Variants in C1orf141 observed in about 807,000 individuals in gnomAD.
C1orf141 encodes the protein uncharacterized protein C1orf141.
A neutral mutation model predicts 23.2 loss-of-function variants in C1orf141; 19 were observed. That is an observed-to-expected ratio of 0.82 (90% CI 0.57 to 1.20). The LOEUF (loss-of-function observed/expected upper bound fraction) is 1.20, where lower values mean the gene tolerates loss of function less well. Ranked by LOEUF, C1orf141 falls within the 50% of genes most tolerant of loss-of-function variation. The probability of loss-of-function intolerance (pLI) is 0.00; values close to 1 mark genes in which losing one functional copy is unlikely to be tolerated. For synonymous variants in C1orf141, 153 were observed against 154.6 expected, an observed-to-expected ratio of 0.99 and a Z score of 0.08; for missense variants, 469 against 455.1, an observed-to-expected ratio of 1.03 and a Z score of -0.28.
Position 67,095,362 on chromosome 1 carries a change from T to C in C1orf141, c.476A>G (p.Tyr159Cys), listed in dbSNP as rs1338603909. Residue 159 changes from tyrosine (Y) to cysteine (C), a missense_variant, in exon 7 of 8, where the codon TAT becomes TGT. Tyr to Cys is a radical substitution (Grantham distance 194). Transcript: ENST00000684719. ...NIKENKSVRNYQLSKYRSVRK... is the reference protein window; with the variant it reads ...NIKENKSVRNCQLSKYRSVRK... ...TACTGACCTATACTTACTTAATTGA[T>C]AATTTCTGACCGATTTGTTTTCTTT... 4 of 1,572,386 alleles carry C rather than the reference T, an allele frequency of 2.5e-6. No homozygotes were observed. The African/African-American group carries it at 4.1e-5, about 16-fold the overall frequency.
upstream of C1orf141, among the ~76,000 whole-genome samples, chr1:67,137,777 G>C (rs921577949): frequency 6.6e-6 from 1 of 152,222 alleles, no homozygotes; most frequent in African/African-American, 2.4e-5. Flanking sequence ...TTTTCTTTGG[G>C]CAAGAGAGTC....
intron 6 of C1orf141, 143 bp from the exon 7 acceptor site, chr1:67,095,564 ATCCCGTCC>A: frequency 1.8e-6 from 1 of 553,596 alleles, no homozygotes. Flanking sequence ...CGACAAGATC[ATCCCGTCC>A]TGCCTGGTTT....
At chr1:67,095,663 G>GT in intron 6 of C1orf141, 1 of 357,268 alleles carries the variant, frequency 2.8e-6, no homozygotes, top group Non-Finnish European at 5.0e-6. Context: ...GGGACGAGTT[G>GT]TATTATTACG....
At chr1:67,100,203 C>G (rs985102624) in intron 5 of C1orf141, among the ~76,000 whole-genome samples, 8 of 152,082 alleles carry the variant, frequency 5.3e-5, no homozygotes, top group African/African-American at 1.9e-4. Context: ...TTGTTCTGTT[C>G]TTTCCTTCAG....
At chr1:67,119,657 A>G (rs568439494) in intron 4 of C1orf141, among the ~76,000 whole-genome samples, 8 of 152,324 alleles carry the variant, frequency 5.3e-5, no homozygotes, top group Middle Eastern at 3.4e-3. Flanking sequence ...AGCCATCTCA[A>G]CAGAAGCCAG....
At chr1:67,135,523 A>AT (rs1646577877), upstream of C1orf141, among the ~76,000 whole-genome samples, 1 of 152,134 alleles carries the variant, frequency 6.6e-6, no homozygotes, top group African/African-American at 2.4e-5. Context: ...ACCACTTAGC[A>AT]TTTTTATGAG....
At chr1:67,095,994 T>C (rs571321545) in intron 6 of C1orf141, 2 of 261,732 alleles carry the variant, frequency 7.6e-6, no homozygotes, top group African/African-American at 2.2e-5. Context: ...CATGTTGTCA[T>C]GTAAGTAAAT....
chr1:67,095,266 A>G lies in C1orf141; in HGVS notation c.572T>C (p.Val191Ala). The change falls in exon 7 of 8, where the codon GTT (valine) becomes GCT (alanine). Residue 191 changes from valine to alanine, a missense_variant. Transcript: ENST00000684719. ...AGAAGTTACTGTCTTTGTTGGACTAACGTTGACTATCTTGGCATGTGGATT... is the reference window on the plus strand; with the variant it reads ...AGAAGTTACTGTCTTTGTTGGACTAGCGTTGACTATCTTGGCATGTGGATT... Reference protein sequence around the residue: ...LKNPHAKIVNVSPTKTVTSHM... With the variant: ...LKNPHAKIVNASPTKTVTSHM... 1 of 1,595,250 alleles carries G rather than the reference A, an allele frequency of 6.3e-7. No individual in the cohort carries two copies. Among genetic ancestry groups the G allele is most frequent in the Non-Finnish European group, 8.5e-7 (1 of 1,171,444 alleles).
At chr1:67,113,857 GC>G in intron 5 of C1orf141, 1 of 417,712 alleles carries the variant, frequency 2.4e-6, no homozygotes, top group South Asian at 1.9e-5. Context: ...ACCTTAAAAG[GC>G]TAGATTGAAT....
chr1:67,102,537 C>G (rs1166230122), intron 5 of C1orf141: 1 of 151,872 alleles, frequency 6.6e-6, no homozygotes, highest in Non-Finnish European at 1.5e-5. Context: ...TTTCCAGTCA[C>G]ACAACCTATC....
intron 5 of C1orf141, among the ~76,000 whole-genome samples, chr1:67,106,400 C>T (rs1273788976): frequency 1.3e-5 from 2 of 152,080 alleles, no homozygotes; most frequent in Non-Finnish European, 2.9e-5. Flanking sequence ...TTATCCCAGC[C>T]CTTTAAGAGG....
At chr1:67,122,797 C>T (rs1646325140) in intron 4 of C1orf141, 2 of 152,036 alleles carry the variant, frequency 1.3e-5, no homozygotes, top group South Asian at 2.1e-4. Flanking sequence ...TCTTGATTAC[C>T]AATATTGTGC....
At chr1:67,117,703 T>C (rs1391262011) in intron 4 of C1orf141, among the ~76,000 whole-genome samples, 1 of 152,232 alleles carries the variant, frequency 6.6e-6, no homozygotes, top group Non-Finnish European at 1.5e-5. Context: ...CTAAGGATGA[T>C]GCTGGCTATA....
intron 4 of C1orf141, among the ~76,000 whole-genome samples, chr1:67,115,991 C>T (rs2102468371): frequency 6.6e-6 from 1 of 152,272 alleles, no homozygotes; most frequent in Non-Finnish European, 1.5e-5. Context: ...TGACTCAGCC[C>T]TCAGACCTCA....
intron 6 of C1orf141, chr1:67,095,634 C>T: frequency 2.5e-6 from 1 of 407,980 alleles, no homozygotes; most frequent in Non-Finnish European, 4.3e-6. Context: ...CATATATATG[C>T]CTCTTTGGAT....
At chr1:67,113,576 G>T in intron 5 of C1orf141, 1 of 396,268 alleles carries the variant, frequency 2.5e-6, no homozygotes, top group Non-Finnish European at 4.2e-6. Context: ...TGTTGGTCAG[G>T]CTGGCCTCAA....
At chr1:67,121,579 T>C (rs921168763) in intron 4 of C1orf141, 11 of 152,234 alleles carry the variant, frequency 7.2e-5, no homozygotes, top group Admixed American at 4.6e-4. Flanking sequence ...TGAATAATAG[T>C]AAAATATACA....
chr1:67,120,106 A>G (rs1030988469), intron 4 of C1orf141, among the ~76,000 whole-genome samples: 2 of 152,196 alleles, frequency 1.3e-5, no homozygotes, highest in African/African-American at 4.8e-5. Flanking sequence ...TTATTCTCAA[A>G]CCTTAGGATC....
intron 5 of C1orf141, among the ~76,000 whole-genome samples, chr1:67,102,256 A>T (rs1189024948): frequency 6.6e-6 from 1 of 151,986 alleles, no homozygotes; most frequent in East Asian, 1.9e-4. Flanking sequence ...AATTCAACTG[A>T]CAGAGAGAAA....
Sources: allele counts gnomAD v4.1 joint callset (sites outside exome capture counted in the v4.1 genomes callset), GRCh38; gene constraint gnomAD v4.1.1; transcripts MANE v1.5; gene names NCBI Gene and HGNC (gene_info 2026-07-23, HGNC 2026-07-21).